PCTP: variants seen among roughly 807,000 people sequenced by gnomAD.
PCTP encodes the protein START domain-containing protein 2.
Under a neutral mutation model 31.0 loss-of-function variants are expected in PCTP, and 27 were observed. The ratio of observed to expected loss-of-function variants is 0.87; its 90% CI spans 0.64 to 1.20. The LOEUF (loss-of-function observed/expected upper bound fraction) is 1.20. Among genes scored for constraint, PCTP ranks in the 50% most tolerant of loss-of-function variants. The pLI is 0.00. For synonymous variants in PCTP, 108 were observed against 101.2 expected, an observed-to-expected ratio of 1.07 and a Z score of -0.40; for missense variants, 287 against 268.2, an observed-to-expected ratio of 1.07 and a Z score of -0.49.
chr17:55,845,887 G>GGGGTGT (rs1555572496), downstream of PCTP, among the ~76,000 whole-genome samples: 52 of 143,064 alleles, frequency 3.6e-4, no homozygotes, highest in East Asian at 8.5e-4. Context: ...AGAGGGTTGG[G>GGGGTGT]GTGTGTGTGT....
intron 5 of PCTP, among the ~76,000 whole-genome samples, chr17:55,828,956 C>T (rs1905502158): frequency 6.6e-6 from 1 of 152,136 alleles, no homozygotes; most frequent in African/African-American, 2.4e-5. Context: ...GTCCCCCCTA[C>T]ATGTTAAAAA....
the PCTP span, among the ~76,000 whole-genome samples, chr17:55,850,604 TC>T: frequency 6.6e-6 from 1 of 152,188 alleles, no homozygotes; most frequent in Non-Finnish European, 1.5e-5. Context: ...TATGCAAAGA[TC>T]TACGAAGATC....
chr17:55,838,813 G>C (rs553712527), intron 5 of PCTP, among the ~76,000 whole-genome samples: 1 of 152,074 alleles, frequency 6.6e-6, no homozygotes, highest in Non-Finnish European at 1.5e-5. Flanking sequence ...TGTACTTATC[G>C]GAGATTACAG....
intron 3 of PCTP, among the ~76,000 whole-genome samples, chr17:55,814,314 G>A (rs560002461): frequency 6.6e-6 from 1 of 152,026 alleles, no homozygotes; most frequent in Non-Finnish European, 1.5e-5. Context: ...AGAAACAGAA[G>A]AAAAAAAGAT....
intron 3 of PCTP, among the ~76,000 whole-genome samples, chr17:55,802,605 A>G (rs1365795488): frequency 2.0e-5 from 3 of 152,178 alleles, no homozygotes; most frequent in Admixed American, 6.5e-5. Flanking sequence ...CATAAAACCA[A>G]TGACAAAAAC....
At chr17:55,796,393 T>C (rs985597554) in intron 3 of PCTP, among the ~76,000 whole-genome samples, 1 of 151,976 alleles carries the variant, frequency 6.6e-6, no homozygotes, top group Non-Finnish European at 1.5e-5. Context: ...AGATGACAAG[T>C]TGGTGTAAAT....
At chr17:55,841,055 G>A (rs913603485) in intron 5 of PCTP, among the ~76,000 whole-genome samples, 2 of 152,156 alleles carry the variant, frequency 1.3e-5, no homozygotes, top group East Asian at 1.9e-4. Context: ...GAACAAGGTG[G>A]GGACTACTGT....
Position 55,805,234 on chromosome 17 carries a change from G to T in PCTP, c.318-17527G>T, listed in dbSNP as rs183505338. On this transcript the variant is annotated intron_variant, in intron 3 of 3. Transcript: ENST00000572536. ...TTAAACTATTTTATTTTAGATTCAG[G>T]GGTTTATGTGTTTTTTTCTTACATG... 2.1e-3 allele frequency among the ~76,000 whole-genome samples: 316 copies of T among 152,076 alleles called. 1 individual carries two copies. The highest frequency in any genetic ancestry group is 7.1e-3 in the African/African-American group (296 of 41,474).
At chr17:55,830,642 C>T (rs577520464) in intron 5 of PCTP, among the ~76,000 whole-genome samples, 2 of 152,272 alleles carry the variant, frequency 1.3e-5, no homozygotes, top group East Asian at 3.9e-4. Flanking sequence ...TCTGAGGTAT[C>T]TTAGGACTGC....
chr17:55,782,035 T>A (rs578052161), downstream of PCTP, among the ~76,000 whole-genome samples: 11 of 152,150 alleles, frequency 7.2e-5, no homozygotes, highest in African/African-American at 2.4e-4. Context: ...GGAGACCTCA[T>A]GATATAGTTC....
chr17:55,813,113 T>C (rs957481210), intron 3 of PCTP, among the ~76,000 whole-genome samples: 6 of 152,154 alleles, frequency 3.9e-5, no homozygotes, highest in African/African-American at 1.2e-4. Flanking sequence ...AAGAGTAGAA[T>C]GAGGTTTCGT....
intron 5 of PCTP, among the ~76,000 whole-genome samples, chr17:55,838,195 A>G (rs1395146630): frequency 6.6e-6 from 1 of 152,052 alleles, no homozygotes; most frequent in East Asian, 1.9e-4. Context: ...CCTGTTTAAC[A>G]TCTTGTAACA....
At chr17:55,757,447 G>GACACAC (rs72053094) in intron 1 of PCTP, among the ~76,000 whole-genome samples, 13 of 144,926 alleles carry the variant, frequency 9.0e-5, no homozygotes, top group African/African-American at 1.5e-4. Context: ...AGGAAACTGA[G>GACACAC]ACACACACAC....
chr17:55,806,697 A>G (rs1912591685), intron 3 of PCTP, among the ~76,000 whole-genome samples: 1 of 152,166 alleles, frequency 6.6e-6, no homozygotes, highest in African/African-American at 2.4e-5. Flanking sequence ...AAACCTCGGT[A>G]CTGGACAGGA....
At chr17:55,840,773 T>C (rs972023123) in intron 5 of PCTP, among the ~76,000 whole-genome samples, 2 of 152,224 alleles carry the variant, frequency 1.3e-5, no homozygotes, top group Non-Finnish European at 2.9e-5. Flanking sequence ...AGGTTCAGAA[T>C]TCCAAATCTG....
intron 3 of PCTP, among the ~76,000 whole-genome samples, chr17:55,815,278 G>A (rs1367970735): frequency 6.6e-6 from 1 of 152,084 alleles, no homozygotes; most frequent in African/African-American, 2.4e-5. Flanking sequence ...GAAATTTGGG[G>A]AAATAATCCA....
intron 5 of PCTP, among the ~76,000 whole-genome samples, chr17:55,840,086 GT>G (rs1905925087): frequency 6.6e-6 from 1 of 151,988 alleles, no homozygotes; most frequent in African/African-American, 2.4e-5. Flanking sequence ...ACCAGTCACC[GT>G]TGCCCAAAGT....
At chr17:55,845,525 C>T (rs371923131), downstream of PCTP, among the ~76,000 whole-genome samples, 25 of 152,302 alleles carry the variant, frequency 1.6e-4, no homozygotes, top group East Asian at 1.7e-3. Flanking sequence ...GGCCGCCTCG[C>T]CTCGAGGAAC....
intron 5 of PCTP, among the ~76,000 whole-genome samples, chr17:55,838,908 A>T (rs1905864388): frequency 6.6e-6 from 1 of 152,224 alleles, no homozygotes; most frequent in South Asian, 2.1e-4. Context: ...CAACCATAGC[A>T]TACAGAATGC....
Sources: gnomAD v4.1 joint callset for allele counts (sites outside exome capture counted in the v4.1 genomes callset) on GRCh38, gnomAD v4.1.1 for gene constraint, MANE v1.5 for transcripts, NCBI Gene and HGNC (gene_info 2026-07-23, HGNC 2026-07-21) for gene names.